Variants in ADGRL3 observed in about 807,000 individuals in gnomAD.
ADGRL3 encodes the protein adhesion G protein-coupled receptor L3, also known as calcium-independent alpha-latrotoxin receptor 3.
A neutral mutation model predicts 153.5 loss-of-function variants in ADGRL3; 62 were observed. The observed-to-expected ratio is 0.40, with a 90% CI of 0.33 to 0.50. The LOEUF is 0.50. Ranked by LOEUF, ADGRL3 falls within the 20% of genes least tolerant of loss-of-function variation. The pLI, the probability that ADGRL3 is intolerant of heterozygous loss-of-function variation, is 0.47. For missense variants in ADGRL3, 1,641 were observed against 1,859.4 expected, an observed-to-expected ratio of 0.88 and a Z score of 2.16; for synonymous variants, 710 against 672.5, an observed-to-expected ratio of 1.06 and a Z score of -0.86.
At position 61,485,445 on chromosome 4, in the gene ADGRL3, T is replaced by G. The variant is rs115174907; in HGVS notation, c.-173-11676T>G. ...ACAGTAATCTTTTCTCATTACTGTT[T>G]AAGCCCCTTTTGAAAAAATATTGAA... is the stretch of plus-strand genomic sequence containing the variant. On this transcript the variant is annotated intron_variant, in intron 2 of 26. Transcript: ENST00000683033. 8.9e-3 allele frequency among the ~76,000 whole-genome samples: 1,357 copies of G among 152,314 alleles called. 27 individuals carry two copies. Among genetic ancestry groups the G allele is most frequent in the African/African-American group, 0.031 (1,295 of 41,570 alleles).
intron 2 of ADGRL3, among the ~76,000 whole-genome samples, chr4:61,438,956 C>T (rs571985953): frequency 1.3e-5 from 2 of 152,128 alleles, no homozygotes; most frequent in South Asian, 4.2e-4. Context: ...ATCCGCCCAC[C>T]TCTGCCTCCC....
At position 61,969,103 on chromosome 4, in the gene ADGRL3, A is replaced by G. The variant is rs374711385; in HGVS notation, c.2806-10460A>G. Among the ~76,000 whole-genome samples, 108 of 152,274 alleles carry G rather than the reference A, an allele frequency of 7.1e-4. 2 individuals are homozygous for G. In the East Asian group the frequency reaches 0.016, roughly 22 times the overall value. On this transcript the variant is annotated intron_variant, in intron 17 of 26. Coordinates refer to ENST00000683033, the MANE Select transcript of ADGRL3 (RefSeq NM_001387552.1). ...GCTCTACACTCTAAGCGGTCAGCAT[A>G]TTGGTCCTCAAAATTTCCTCTCTTG...
chr4:61,387,620 A>G (rs1281127799), intron 2 of ADGRL3, among the ~76,000 whole-genome samples: 1 of 152,134 alleles, frequency 6.6e-6, no homozygotes, highest in African/African-American at 2.4e-5. Flanking sequence ...TGAAAGAGAA[A>G]TACAGCTCTG....
intron 8 of ADGRL3, among the ~76,000 whole-genome samples, chr4:61,765,584 C>T (rs185236650): frequency 3.9e-5 from 6 of 152,058 alleles, no homozygotes; most frequent in Non-Finnish European, 7.4e-5. Flanking sequence ...GATAAAGGCT[C>T]GTCTGTTATC....
chr4:61,724,712 G>T (rs1023923600), intron 6 of ADGRL3, among the ~76,000 whole-genome samples: 2 of 152,158 alleles, frequency 1.3e-5, no homozygotes, highest in Non-Finnish European at 2.9e-5. Flanking sequence ...GAAAGTGACA[G>T]ATGTCTGTCA....
chr4:61,696,298 A>T (rs2095641203), intron 6 of ADGRL3, among the ~76,000 whole-genome samples: 1 of 152,176 alleles, frequency 6.6e-6, no homozygotes, highest in African/African-American at 2.4e-5. Flanking sequence ...CTTGTTCCAG[A>T]AAGTAGCATA....
At chr4:61,515,324 A>G (rs1278650454) in intron 3 of ADGRL3, among the ~76,000 whole-genome samples, 4 of 152,206 alleles carry the variant, frequency 2.6e-5, no homozygotes, top group African/African-American at 9.6e-5. Flanking sequence ...AATCTCACTG[A>G]AATCCCAATT....
At chr4:61,708,555 CTTTTA>C (rs1385841464) in intron 6 of ADGRL3, among the ~76,000 whole-genome samples, 2 of 150,778 alleles carry the variant, frequency 1.3e-5, no homozygotes. Context: ...TTTTTTCCAA[CTTTTA>C]TTTTAAGTTC....
chr4:61,575,802 C>T (rs1560869169), intron 4 of ADGRL3, among the ~76,000 whole-genome samples: 1 of 151,952 alleles, frequency 6.6e-6, no homozygotes, highest in African/African-American at 2.4e-5. Flanking sequence ...ATTGAGGAAA[C>T]ATATGTGTAG....
chr4:61,287,160 A>G (rs1020508032), intron 1 of ADGRL3, among the ~76,000 whole-genome samples: 21 of 152,036 alleles, frequency 1.4e-4, no homozygotes, highest in African/African-American at 4.8e-4. Context: ...GAAACAGTCC[A>G]AGTACACAAT....
intron 2 of ADGRL3, among the ~76,000 whole-genome samples, chr4:61,404,001 C>T (rs1018602845): frequency 1.3e-5 from 2 of 151,944 alleles, no homozygotes; most frequent in East Asian, 3.9e-4. Context: ...TCTTTAAATA[C>T]AGTCACTTTG....
At chr4:61,895,879 A>G (rs773926911) in intron 11 of ADGRL3, 45 bp downstream of exon 11, 1 of 1,118,400 alleles carries the variant, frequency 8.9e-7, no homozygotes, top group South Asian at 1.5e-5. Flanking sequence ...AAACTATATC[A>G]TCTGTTGTTG....
At chr4:61,363,168 G>C (rs1321543223) in intron 1 of ADGRL3, among the ~76,000 whole-genome samples, 1 of 152,116 alleles carries the variant, frequency 6.6e-6, no homozygotes, top group Non-Finnish European at 1.5e-5. Context: ...CAATATCTTA[G>C]ATATGAGTAG....
intron 22 of ADGRL3, among the ~76,000 whole-genome samples, chr4:62,030,835 G>A (rs780115020): frequency 4.6e-5 from 7 of 151,474 alleles, no homozygotes; most frequent in Admixed American, 6.6e-5. Flanking sequence ...CAATGTTTCC[G>A]ATAGAGTGGA....
intron 8 of ADGRL3, among the ~76,000 whole-genome samples, chr4:61,789,154 A>G (rs375703806): frequency 2.0e-5 from 3 of 152,196 alleles, no homozygotes; most frequent in African/African-American, 7.2e-5. Context: ...TTTAAAAAAG[A>G]TAACTATACC....
chr4:61,272,634 C>T (rs1166376007), intron 1 of ADGRL3, among the ~76,000 whole-genome samples: 3 of 151,950 alleles, frequency 2.0e-5, no homozygotes, highest in African/African-American at 2.4e-5. Flanking sequence ...TTCAGTGTGA[C>T]GCTAATTAAA....
chr4:61,631,232 A>C (rs2093146760), intron 5 of ADGRL3, among the ~76,000 whole-genome samples: 1 of 152,152 alleles, frequency 6.6e-6, no homozygotes, highest in African/African-American at 2.4e-5. Flanking sequence ...GCACTTTCTA[A>C]ATTCAATTTT....
At chr4:61,721,992 G>T (rs2096251282) in intron 6 of ADGRL3, among the ~76,000 whole-genome samples, 1 of 152,010 alleles carries the variant, frequency 6.6e-6, no homozygotes. Context: ...AACACATATT[G>T]GAAGATTATA....
intron 5 of ADGRL3, among the ~76,000 whole-genome samples, chr4:61,655,063 C>T (rs1210360774): frequency 6.6e-6 from 1 of 151,994 alleles, no homozygotes; most frequent in Non-Finnish European, 1.5e-5. Flanking sequence ...ATGTGTGACT[C>T]TTACTATCAG....
Sources: gnomAD v4.1 joint callset for allele counts (sites outside exome capture counted in the v4.1 genomes callset) on GRCh38, gnomAD v4.1.1 for gene constraint, MANE v1.5 for transcripts, NCBI Gene and HGNC (gene_info 2026-07-23, HGNC 2026-07-21) for gene names.